FGF12: variants seen among roughly 807,000 people sequenced by gnomAD.
FGF12 encodes the protein fibroblast growth factor 12, also known as fibroblast growth factor 12B.
In FGF12, 14 loss-of-function variants were observed where a neutral mutation model predicts 23.6. That is an observed-to-expected ratio of 0.59 (90% CI 0.39 to 0.93). FGF12 has a LOEUF of 0.93. FGF12 is among the 40% of genes least tolerant of loss of function. The probability of loss-of-function intolerance (pLI) is 0.00; values close to 1 mark genes in which losing one functional copy is unlikely to be tolerated. For synonymous variants in FGF12, 62 were observed against 77.3 expected, an observed-to-expected ratio of 0.80 and a Z score of 1.04; for missense variants, 175 against 217.8, an observed-to-expected ratio of 0.80 and a Z score of 1.24.
intron 5 of FGF12, among the ~76,000 whole-genome samples, chr3:192,150,273 C>T (rs1713976321): frequency 1.1e-5 from 1 of 87,118 alleles, no homozygotes; most frequent in South Asian, 4.3e-4. Context: ...GTTGCCTGTT[C>T]ACTCTGATGG....
chr3:192,259,862 A>G (rs1241067624), intron 4 of FGF12, among the ~76,000 whole-genome samples: 2 of 152,122 alleles, frequency 1.3e-5, no homozygotes, highest in Admixed American at 1.3e-4. Flanking sequence ...TTCACGACCA[A>G]TGATTCACAC....
intron 2 of FGF12, among the ~76,000 whole-genome samples, chr3:192,503,780 G>T (rs1227503413): frequency 6.6e-6 from 1 of 151,816 alleles, no homozygotes; most frequent in Non-Finnish European, 1.5e-5. Flanking sequence ...TAAATTTTTT[G>T]TATTTTTAGT....
intron 4 of FGF12, among the ~76,000 whole-genome samples, chr3:192,216,313 C>A (rs548869066): frequency 1.3e-5 from 2 of 152,242 alleles, no homozygotes; most frequent in Non-Finnish European, 2.9e-5. Flanking sequence ...TTGTTATCTA[C>A]CCCCTGGTAA....
intron 2 of FGF12, among the ~76,000 whole-genome samples, chr3:192,364,524 G>A (rs1262033685): frequency 1.3e-5 from 2 of 152,160 alleles, no homozygotes; most frequent in Non-Finnish European, 2.9e-5. Flanking sequence ...CTCCCTTGCA[G>A]TTAGGTTTGG....
intron 2 of FGF12, among the ~76,000 whole-genome samples, chr3:192,440,972 G>C (rs763759912): frequency 6.6e-6 from 1 of 152,172 alleles, no homozygotes; most frequent in Non-Finnish European, 1.5e-5. Flanking sequence ...TGTAGAAAAT[G>C]CTCTAGGATA....
In FGF12 at chr3:192,316,210, T is replaced by C. The variant is rs528352452; in HGVS notation, c.228+19151A>G. 2.5e-3 allele frequency among the ~76,000 whole-genome samples: 379 copies of C among 152,114 alleles called. 3 individuals carry two copies. Among genetic ancestry groups the C allele is most frequent in the South Asian group, 6.6e-3 (32 of 4,822 alleles). ...CATTGAGGTGGAGCAAGATGGCAAA[T>C]AGATAACACTCCAGCAGCTGTCCTC... On this transcript the variant is annotated intron_variant, in intron 4 of 5. Coordinates refer to ENST00000445105, the MANE Select transcript of FGF12 (RefSeq NM_004113.6).
At chr3:192,245,264 T>C (rs1322076811) in intron 4 of FGF12, among the ~76,000 whole-genome samples, 1 of 148,676 alleles carries the variant, frequency 6.7e-6, no homozygotes, top group Non-Finnish European at 1.5e-5. Context: ...CCCGGCAATT[T>C]TATTTTGTTT....
chr3:192,206,972 A>G (rs1717682570), intron 4 of FGF12, among the ~76,000 whole-genome samples: 1 of 152,126 alleles, frequency 6.6e-6, no homozygotes, highest in Non-Finnish European at 1.5e-5. Flanking sequence ...ACATAATTTC[A>G]CACATTTTTT....
At chr3:192,685,303 G>A (rs1239936670) in intron 2 of FGF12, among the ~76,000 whole-genome samples, 2 of 152,038 alleles carry the variant, frequency 1.3e-5, no homozygotes, top group African/African-American at 4.8e-5. Flanking sequence ...CGCCCGCCTC[G>A]GCCTCCCAAA....
rs186731399 is a variant in FGF12, at chr3:192,370,870, A to G, written c.14-10332T>C. The stretch of plus-strand genomic sequence containing the variant: ...TTTCAGTTGTAAATCCAAATCCCAA[A>G]TCCGAATCCGAATCAATCGTCATCT... On this transcript the variant is annotated intron_variant, in intron 2 of 5. Transcript: ENST00000445105. Among the ~76,000 whole-genome samples the G allele has an allele frequency of 1.4e-4, 22 of 152,362 alleles. 1 individual carries two copies. The East Asian group carries it at 4.2e-3, about 29-fold the overall frequency.
intron 2 of FGF12, among the ~76,000 whole-genome samples, chr3:192,587,190 G>A (rs1392133715): frequency 1.3e-5 from 2 of 148,878 alleles, no homozygotes; most frequent in East Asian, 3.8e-4. Flanking sequence ...TTACCTTCTG[G>A]TAGTAATGGA....
intron 2 of FGF12, among the ~76,000 whole-genome samples, chr3:192,618,586 T>A (rs1453747024): frequency 2.0e-5 from 3 of 152,102 alleles, no homozygotes; most frequent in Non-Finnish European, 4.4e-5. Flanking sequence ...GAATTAAAGC[T>A]AAAAATATTC....
intron 2 of FGF12, among the ~76,000 whole-genome samples, chr3:192,475,298 A>G (rs1476363779): frequency 1.3e-5 from 2 of 152,240 alleles, no homozygotes; most frequent in Non-Finnish European, 2.9e-5. Flanking sequence ...GATTAAGGAT[A>G]GGTTGTTCCT....
chr3:192,505,235 T>C (rs1471813435), intron 2 of FGF12, among the ~76,000 whole-genome samples: 1 of 152,214 alleles, frequency 6.6e-6, no homozygotes, highest in Non-Finnish European at 1.5e-5. Flanking sequence ...TACTTATATT[T>C]AAATAAAGTC....
intron 4 of FGF12, among the ~76,000 whole-genome samples, chr3:192,209,772 A>G (rs1166910065): frequency 6.6e-6 from 1 of 152,214 alleles, no homozygotes; most frequent in East Asian, 1.9e-4. Context: ...ATACAAACAG[A>G]TGATGAAATT....
chr3:192,439,841 G>C (rs557604773), intron 2 of FGF12, among the ~76,000 whole-genome samples: 49 of 152,064 alleles, frequency 3.2e-4, no homozygotes, highest in Non-Finnish European at 5.4e-4. Flanking sequence ...GCCGGGTGTG[G>C]TGGTGGGCGC....
At position 192,607,859 on chromosome 3, in the gene FGF12, A is replaced by C. The variant is rs1463329589; in HGVS notation, c.13+119322T>G. Among the ~76,000 whole-genome samples the C allele has an allele frequency of 1.8e-4, 28 of 151,630 alleles. 1 individual carries two copies. In the East Asian group the frequency reaches 4.5e-3, roughly 24 times the overall value. On this transcript the variant is annotated intron_variant, in intron 2 of 5. Coordinates refer to ENST00000445105, the MANE Select transcript of FGF12 (RefSeq NM_004113.6). ...AACACTGAAAATTAAAAAAAAAAAA[A>C]AAAAAAAAGAAGAAGAAGAATAGTT... is the stretch of plus-strand genomic sequence containing the variant.
chr3:192,160,418 T>A (rs1230514890), intron 5 of FGF12, among the ~76,000 whole-genome samples: 1 of 152,158 alleles, frequency 6.6e-6, no homozygotes. Flanking sequence ...TTGGAATCTC[T>A]CAGCTTTGCC....
intron 2 of FGF12, among the ~76,000 whole-genome samples, chr3:192,392,779 C>A (rs1035699284): frequency 1.3e-5 from 2 of 152,096 alleles, no homozygotes; most frequent in Admixed American, 1.3e-4. Flanking sequence ...TACTTCAGTT[C>A]TAGACAGATT....
Sources: gnomAD v4.1 joint callset for allele counts (sites outside exome capture counted in the v4.1 genomes callset) on GRCh38, gnomAD v4.1.1 for gene constraint, MANE v1.5 for transcripts, NCBI Gene and HGNC (gene_info 2026-07-23, HGNC 2026-07-21) for gene names.